Variants in AR observed in about 807,000 individuals in gnomAD.
AR encodes androgen receptor.
Under a neutral mutation model 53.9 loss-of-function variants are expected in AR, and 8 were observed. The ratio of observed to expected loss-of-function variants is 0.15; its 90% confidence interval spans 0.09 to 0.27. The LOEUF is 0.27. AR is among the 10% of genes least tolerant of loss of function. The pLI is 1.00. For synonymous variants in AR, 359 were observed against 316.4 expected (o/e 1.13, Z -1.43); for missense variants, 639 against 742.5 (o/e 0.86, Z 1.62).
intron 3 of AR, among the ~76,000 whole-genome samples, chrX:67,701,079 A>G (rs1418722293): frequency 8.9e-6 from 1 of 111,956 alleles, no homozygotes; most frequent in Non-Finnish European, 1.9e-5. Flanking sequence ...AAAATCTTCT[A>G]TATCTTATGT....
At chrX:67,668,624 A>G (rs1259215608) in intron 2 of AR, among the ~76,000 whole-genome samples, 6 of 111,086 alleles carry the variant, frequency 5.4e-5, no homozygotes, top group Non-Finnish European at 7.6e-5. Context: ...AATACTTTGA[A>G]TAGGATTGAT....
chrX:67,611,429 G>T (rs1041480629), intron 1 of AR, among the ~76,000 whole-genome samples: 1 of 111,276 alleles, frequency 9.0e-6, no homozygotes, highest in African/African-American at 3.3e-5. Context: ...CTTTTCATCT[G>T]TTTCTTATTG....
chrX:67,688,948 A>G (rs1244852996), intron 3 of AR, among the ~76,000 whole-genome samples: 1 of 111,665 alleles, frequency 9.0e-6, no homozygotes, highest in Non-Finnish European at 1.9e-5. Context: ...TAGCATAGAC[A>G]TATTGATTAC....
intron 7 of AR, 86 bp from the exon 8 acceptor site, chrX:67,723,600 G>A (rs950486043): frequency 5.4e-6 from 6 of 1,104,304 alleles, no homozygotes; most frequent in Non-Finnish European, 7.5e-6. Flanking sequence ...AAGGCTGAAA[G>A]ACCAAAAATC....
chrX:67,622,686 T>C (rs900249854), intron 1 of AR, among the ~76,000 whole-genome samples: 2 of 111,863 alleles, frequency 1.8e-5, no homozygotes, highest in Non-Finnish European at 3.8e-5. Flanking sequence ...CATCTTATCT[T>C]TAAGTAGATT....
chrX:67,575,697 A>G (rs758890645), intron 1 of AR, among the ~76,000 whole-genome samples: 5 of 111,764 alleles, frequency 4.5e-5, no homozygotes, highest in East Asian at 5.7e-4. Flanking sequence ...CTCCCTGTAT[A>G]TTGGACATAA....
At chrX:67,632,309 C>T (rs1925189560) in intron 1 of AR, among the ~76,000 whole-genome samples, 1 of 113,172 alleles carries the variant, frequency 8.8e-6, no homozygotes, top group Non-Finnish European at 1.9e-5. Flanking sequence ...GGCGTAGGAC[C>T]CTCTGAGCCA....
At chrX:67,550,316 T>C (rs1929943187) in intron 1 of AR, among the ~76,000 whole-genome samples, 1 of 112,062 alleles carries the variant, frequency 8.9e-6, no homozygotes, top group Non-Finnish European at 1.9e-5. Flanking sequence ...AACTTTGAAA[T>C]AATATACTGG....
chrX:67,625,787 A>C (rs925569483), intron 1 of AR, among the ~76,000 whole-genome samples: 1 of 111,962 alleles, frequency 8.9e-6, no homozygotes, highest in African/African-American at 3.2e-5. Context: ...AATGCTATAG[A>C]GCTAAGATGA....
rs1007402391 is a variant in AR, at chrX:67,558,811, G to T, written c.1616+12049G>T. On this transcript the variant is annotated intron_variant, in intron 1 of 7. Coordinates refer to ENST00000374690, the MANE Select transcript of AR (RefSeq NM_000044.6). ...TTGCCAATTTTTACAGTCAGACATT[G>T]TTTTATTTATTTTACATGTATTAAT... Among the ~76,000 whole-genome samples, 6 of 112,100 alleles carry T rather than the reference G, an allele frequency of 5.4e-5. No homozygotes were observed. The Admixed American group carries it at 5.7e-4, about 11-fold the overall frequency.
At position 67,724,460 on chromosome X, in the gene AR, T is replaced by C; in HGVS notation, c.*619T>C. 1 of 171,512 alleles carries C rather than the reference T, an allele frequency of 5.8e-6. No homozygotes were observed. The highest frequency in any genetic ancestry group is 1.1e-5 in the Non-Finnish European group (1 of 90,716). The allele number at this position is 171,512 out of a possible 1,213,427, so 14.1% of individuals were successfully genotyped here. ...GTGAAAATTGCAGGCCCATGGGGAG[T>C]TACTGATTTTTTCATCTCCTCCCTC... On this transcript the variant is annotated 3_prime_UTR_variant, in exon 8 of 8. Coordinates refer to ENST00000374690, the MANE Select transcript of AR (RefSeq NM_000044.6).
At position 67,545,912 on chromosome X, in the gene AR, C is replaced by T. The variant is rs1929705184; in HGVS notation, c.766C>T (p.His256Tyr). The T allele has an allele frequency of 2.5e-6, 3 of 1,210,498 alleles. No homozygotes were observed. In the African/African-American group the frequency reaches 5.2e-5, roughly 21 times the overall value. ...GGGCCTGGGTGTGGAGGCGTTGGAG[C>T]ATCTGAGTCCAGGGGAACAGCTTCG... is the stretch of plus-strand genomic sequence containing the variant. ...SMGLGVEALEHLSPGEQLRGD... is the reference protein window; with the variant it reads ...SMGLGVEALEYLSPGEQLRGD... Residue 256 changes from histidine to tyrosine, a missense_variant, in exon 1 of 8, where the codon CAT becomes TAT. Around this residue, in one of 5 missense-constraint regions of AR, gnomAD observed 423 missense variants for 377.0 expected, o/e 1.12. Transcript: ENST00000374690.
chrX:67,626,436 CTT>C (rs1233324601), intron 1 of AR, among the ~76,000 whole-genome samples: 11 of 46,815 alleles, frequency 2.3e-4, no homozygotes, highest in Admixed American at 8.1e-4. Flanking sequence ...CAGGCTCTCT[CTT>C]TTTTTTTTTT....
rs1357669127 is a variant in AR, at chrX:67,688,995, C to A, written c.1885+2869C>A. ...ATTCATATAATTTTATCTTCTGATT[C>A]CCATCACTCAAATCAAAATTACATA... On this transcript the variant is annotated intron_variant, in intron 3 of 7. Transcript: ENST00000374690. Among the ~76,000 whole-genome samples, 5 of 111,235 alleles carry A rather than the reference C, an allele frequency of 4.5e-5. No individual in the cohort carries two copies. The East Asian group carries it at 1.1e-3, about 25-fold the overall frequency.
At chrX:67,555,743 A>G in intron 1 of AR, among the ~76,000 whole-genome samples, 1 of 112,226 alleles carries the variant, frequency 8.9e-6, no homozygotes, top group Non-Finnish European at 1.9e-5. Context: ...CAGGTTGAGT[A>G]GGTTCCTTGC....
chrX:67,718,290 T>A (rs770302670), intron 5 of AR, among the ~76,000 whole-genome samples: 1 of 111,573 alleles, frequency 9.0e-6, no homozygotes, highest in African/African-American at 3.3e-5. Context: ...TCTGGCTGTG[T>A]GACCTTGGTA....
intron 1 of AR, among the ~76,000 whole-genome samples, chrX:67,624,927 AAAAAAAAG>A (rs1924554777): frequency 9.5e-6 from 1 of 104,842 alleles, no homozygotes; most frequent in Admixed American, 1.0e-4. Context: ...AAAAAAAAAA[AAAAAAAAG>A]AAAGAGGTAA....
At position 67,717,358 on chromosome X, in the gene AR, GT is replaced by G; in HGVS notation, c.2174-119del. 3 of 983,119 alleles carry G rather than the reference GT, an allele frequency of 3.1e-6. No homozygotes were observed. The African/African-American group carries it at 5.7e-5, about 19-fold the overall frequency. The allele number at this position is 983,119 out of a possible 1,213,427, so 81.0% of individuals were successfully genotyped here. A position where few individuals can be genotyped will look rare whatever the true frequency, so the allele number is the denominator to read the frequency against. ...CACCCCTTAATGGCCAGCCTGGATGGTCCCTGGGGATCCTTAGGGGATGCCC... is the reference window on the plus strand; with the variant it reads ...CACCCCTTAATGGCCAGCCTGGATGGCCCTGGGGATCCTTAGGGGATGCCC... On this transcript the variant is annotated intron_variant, in intron 4 of 7. Transcript: ENST00000374690.
chrX:67,550,458 C>A (rs1395020831), intron 1 of AR, among the ~76,000 whole-genome samples: 1 of 110,265 alleles, frequency 9.1e-6, no homozygotes, highest in Non-Finnish European at 1.9e-5. Context: ...GCGGCTTGTA[C>A]ACGTACAAGC....
Sources: gnomAD v4.1 joint callset for allele counts (sites outside exome capture counted in the v4.1 genomes callset) on GRCh38, gnomAD v4.1.1 for gene constraint, gnomAD v4.1.1 regional missense constraint, MANE v1.5 for transcripts, NCBI Gene and HGNC (gene_info 2026-07-23, HGNC 2026-07-21) for gene names.